The following HPS3 variants were observed in gnomAD, a reference collection of about 807,000 sequenced individuals.
The protein encoded by HPS3 is HPS3 biogenesis of lysosomal organelles complex 2 subunit 1.
In HPS3, 79 loss-of-function variants were observed where a neutral mutation model predicts 110.9. The observed-to-expected ratio is 0.71, with a 90% CI of 0.59 to 0.86. HPS3 has a LOEUF of 0.86. Ranked by LOEUF, HPS3 falls within the 40% of genes least tolerant of loss-of-function variation. The pLI, the probability that HPS3 is intolerant of heterozygous loss-of-function variation, is 0.00. For synonymous variants in HPS3, 428 were observed against 451.0 expected (o/e 0.95, Z 0.65); for missense variants, 1,197 against 1,206.2 (o/e 0.99, Z 0.11).
Position 149,129,818 on chromosome 3 carries a change from C to T in HPS3, c.95C>T (p.Ala32Val). 1.2e-6 allele frequency: 2 copies of T among 1,606,070 alleles called. No homozygotes were observed. Among genetic ancestry groups the T allele is most frequent in the Non-Finnish European group, 1.7e-6 (2 of 1,179,202 alleles). The change falls in exon 1 of 17, where the codon GCG becomes GTG. Residue 32 changes from alanine to valine, a missense_variant. Transcript: ENST00000296051. Reference sequence around the variant, plus strand: ...CGGTTCTGTGGCGGGGGGCGTGACGCGCTTTTCGTGGCGGCGGGCTGCAAG... The same window carrying T: ...CGGTTCTGTGGCGGGGGGCGTGACGTGCTTTTCGTGGCGGCGGGCTGCAAG... ...PDRFCGGGRD[A>V]LFVAAGCKVE...
intron 16 of HPS3, among the ~76,000 whole-genome samples, chr3:149,169,937 T>A (rs114675469): frequency 5.3e-5 from 8 of 152,218 alleles, no homozygotes; most frequent in Non-Finnish European, 1.0e-4. Flanking sequence ...CATTTAGATA[T>A]ATCATTTATA....
In HPS3 at chr3:149,140,367, G is replaced by A. The variant is rs772518774; in HGVS notation, c.581G>A (p.Cys194Tyr). 6.2e-7 allele frequency: 1 copy of A among 1,610,018 alleles called. No individual in the cohort carries two copies. Among genetic ancestry groups the A allele is most frequent in the Admixed American group, 1.7e-5 (1 of 59,570 alleles). Residue 194 changes from cysteine to tyrosine, a missense_variant, in exon 2 of 17, where the codon TGT becomes TAT. Transcript: ENST00000296051. Reference sequence around the variant, plus strand: ...ATCACTCCTGTTGAGGTTTCTTTTTGTGTTGGATATGTTGCTGTCATGTCA... The same window carrying A: ...ATCACTCCTGTTGAGGTTTCTTTTTATGTTGGATATGTTGCTGTCATGTCA... Reference protein sequence around the residue: ...DNITPVEVSFCVGYVAVMSDL... With the variant: ...DNITPVEVSFYVGYVAVMSDL...
At chr3:149,153,724 T>C in intron 7 of HPS3, 76 bp downstream of exon 7, 1 of 1,445,302 alleles carries the variant, frequency 6.9e-7, no homozygotes, top group South Asian at 1.1e-5. Context: ...GTGTTTATCT[T>C]TTTTCAAATC....
chr3:149,163,457 T>G (rs968712763), intron 13 of HPS3, among the ~76,000 whole-genome samples: 8 of 152,334 alleles, frequency 5.3e-5, no homozygotes, highest in African/African-American at 1.4e-4. Context: ...ACCAGCTTCT[T>G]GAATAAGCAG....
chr3:149,150,549 T>C, intron 5 of HPS3, 50 bp from the exon 6 acceptor site: 1 of 1,436,156 alleles, frequency 7.0e-7, no homozygotes, highest in Non-Finnish European at 9.8e-7. Context: ...GCTGTGGGTA[T>C]GTTGGTTCTT....
chr3:149,150,594 C>T lies in HPS3; in HGVS notation c.1164-5C>T, dbSNP rs934130942. 6.8e-6 allele frequency: 11 copies of T among 1,613,602 alleles called. No individual in the cohort carries two copies. Among genetic ancestry groups the T allele is most frequent in the Non-Finnish European group, 9.3e-6 (11 of 1,179,674 alleles). On this transcript the variant is annotated splice_region_variant and splice_polypyrimidine_tract_variant and intron_variant, in intron 5 of 16. Transcript: ENST00000296051. ...TTGCTCAGCAGCCTGTGTCTTCCTC[C>T]TCAGTAACAACCTGCAGTGTTTCAC... is the stretch of plus-strand genomic sequence containing the variant.
rs142750720 is a variant in HPS3, at chr3:149,130,012, TG to T, written c.217+75del. On this transcript the variant is annotated intron_variant, in intron 1 of 16. Transcript: ENST00000296051. ...CCTCCTAGCTAGCGGACCGAACGTC[TG>T]GGCTGTAGCTCTAGCTAGGGATGGG... The T allele has an allele frequency of 9.9e-3, 13,754 of 1,390,806 alleles. 166 individuals are homozygous for T. Among genetic ancestry groups the T allele is most frequent in the African/African-American group, 0.055 (3,870 of 70,200 alleles). 86.2% of individuals were successfully genotyped at this position (1,390,806 alleles called of 1,614,324 possible). A position where few individuals can be genotyped will look rare whatever the true frequency, so the allele number is the denominator to read the frequency against.
At chr3:149,167,269 C>T (rs1300598512) in intron 15 of HPS3, 29 bp downstream of exon 15, 3 of 1,547,938 alleles carry the variant, frequency 1.9e-6, no homozygotes, top group Admixed American at 3.6e-5. Context: ...TGTTTTTAGG[C>T]TTGATCAGTG....
intron 16 of HPS3, among the ~76,000 whole-genome samples, chr3:149,171,698 C>CTTTTTTTTT (rs1170000443): frequency 8.5e-6 from 1 of 118,254 alleles, no homozygotes; most frequent in African/African-American, 3.2e-5. Context: ...GAACTGGCTT[C>CTTTTTTTTT]TTTTTTTTTT....
intron 14 of HPS3, among the ~76,000 whole-genome samples, chr3:149,164,719 T>C (rs1724232419): frequency 6.6e-6 from 1 of 152,204 alleles, no homozygotes; most frequent in Admixed American, 6.5e-5. Flanking sequence ...CCCTCATTGC[T>C]TCTGACCTGA....
chr3:149,153,698 G>A, intron 7 of HPS3, 50 bp downstream of exon 7: 1 of 1,553,246 alleles, frequency 6.4e-7, no homozygotes. Flanking sequence ...GGAATGAGTT[G>A]TAACTGGTAT....
chr3:149,137,485 A>G (rs998689414), intron 1 of HPS3, among the ~76,000 whole-genome samples: 1 of 152,252 alleles, frequency 6.6e-6, no homozygotes, highest in South Asian at 2.1e-4. Flanking sequence ...TATACCCAAA[A>G]TAATTGAAAG....
chr3:149,137,905 A>G (rs1289380494), intron 1 of HPS3, among the ~76,000 whole-genome samples: 1 of 152,248 alleles, frequency 6.6e-6, no homozygotes, highest in African/African-American at 2.4e-5. Flanking sequence ...ATGGTTGCAT[A>G]GCAATGAGAA....
intron 1 of HPS3, chr3:149,130,258 C>T: frequency 2.2e-6 from 1 of 456,964 alleles, no homozygotes; most frequent in African/African-American, 2.0e-5. Flanking sequence ...ACAAAAAACT[C>T]TTTAGTGCAT....
intron 8 of HPS3, 115 bp downstream of exon 8, chr3:149,155,330 C>G (rs1723382231): frequency 7.0e-6 from 5 of 717,750 alleles, no homozygotes; most frequent in South Asian, 6.0e-5. Context: ...AGCTTCCTGG[C>G]TCTGTCTGAC....
chr3:149,148,307 A>G (rs1322237926), intron 5 of HPS3, among the ~76,000 whole-genome samples: 1 of 152,168 alleles, frequency 6.6e-6, no homozygotes, highest in Non-Finnish European at 1.5e-5. Context: ...AAAGAACAAA[A>G]TAAAATCATG....
At position 149,167,116 on chromosome 3, in the gene HPS3, T is replaced by C; in HGVS notation, c.2672T>C (p.Leu891Pro). The change falls in exon 15 of 17, where the codon CTC (leucine) becomes CCC (proline). Residue 891 changes from leucine to proline, a missense_variant. Leu to Pro is a moderately conservative substitution (Grantham distance 98). Coordinates refer to ENST00000296051, the MANE Select transcript of HPS3 (RefSeq NM_032383.5). ...EPLSEDTIAG[L>P]SVHVLCRTRL... Reference sequence around the variant, plus strand: ...CTTTCAGAAGACACTATTGCCGGCCTCAGTGTCCATGTTCTGTGTCGTACA... The same window carrying C: ...CTTTCAGAAGACACTATTGCCGGCCCCAGTGTCCATGTTCTGTGTCGTACA... 6.2e-7 allele frequency: 1 copy of C among 1,613,606 alleles called. No homozygotes were observed. Among genetic ancestry groups the C allele is most frequent in the Non-Finnish European group, 8.5e-7 (1 of 1,179,496 alleles).
chr3:149,167,369 A>G, intron 15 of HPS3, 129 bp downstream of exon 15: 3 of 737,150 alleles, frequency 4.1e-6, no homozygotes, highest in Non-Finnish European at 4.8e-6. Flanking sequence ...GGGTCCATTG[A>G]GCATATATGT....
In HPS3 at chr3:149,129,696, A is replaced by G. The variant is rs1413596850; in HGVS notation, c.-28A>G. ...TCTCCGGGCGCCCTGCAGGGCGGGC[A>G]GGCTGTGCCATCCCGCCGGACGTCG... On this transcript the variant is annotated 5_prime_UTR_variant, in exon 1 of 17. Coordinates refer to ENST00000296051, the MANE Select transcript of HPS3 (RefSeq NM_032383.5). 2.6e-6 allele frequency: 4 copies of G among 1,523,796 alleles called. No homozygotes were observed. Among genetic ancestry groups the G allele is most frequent in the African/African-American group, 1.4e-5 (1 of 71,812 alleles). 94.4% of individuals were successfully genotyped at this position (1,523,796 alleles called of 1,614,324 possible).
Sources: allele counts gnomAD v4.1 joint callset (sites outside exome capture counted in the v4.1 genomes callset), GRCh38; gene constraint gnomAD v4.1.1; transcripts MANE v1.5; gene names NCBI Gene and HGNC (gene_info 2026-07-23, HGNC 2026-07-21).